The following BCAS3 variants were observed in gnomAD, a reference collection of about 807,000 sequenced individuals.
BCAS3 encodes BCAS3 microtubule associated cell migration factor.
BCAS3 carries 53 observed loss-of-function variants against 116.1 expected under a neutral mutation model. The observed-to-expected ratio is 0.46, with a 90% confidence interval of 0.37 to 0.57. The LOEUF (loss-of-function observed/expected upper bound fraction) is 0.57. Among genes scored for constraint, BCAS3 ranks in the 20% least tolerant of loss-of-function variants. The pLI is 0.00. For missense variants in BCAS3, 917 were observed against 1,165.4 expected (o/e 0.79, Z 3.10); for synonymous variants, 391 against 408.2 (o/e 0.96, Z 0.51).
chr17:61,030,934 T>A (rs2066589576), intron 16 of BCAS3, among the ~76,000 whole-genome samples: 1 of 152,012 alleles, frequency 6.6e-6, no homozygotes, highest in African/African-American at 2.4e-5. Context: ...GAGTATGTCT[T>A]GTTCTCATGT....
intron 19 of BCAS3, among the ~76,000 whole-genome samples, chr17:61,053,731 G>A (rs2069101424): frequency 6.6e-6 from 1 of 152,178 alleles, no homozygotes. Flanking sequence ...TTTTTCTCTT[G>A]TAGAGGAAAC....
At chr17:61,081,632 A>G (rs1474978494) in intron 21 of BCAS3, among the ~76,000 whole-genome samples, 1 of 152,234 alleles carries the variant, frequency 6.6e-6, no homozygotes, top group Non-Finnish European at 1.5e-5. Context: ...TTCAGCAGGT[A>G]AGCTTGGTTG....
Position 61,151,182 on chromosome 17 carries a change from C to G in BCAS3, c.2425+66618C>G, listed in dbSNP as rs1247320285. On this transcript the variant is annotated intron_variant, in intron 22 of 23. Transcript: ENST00000407086. This position sits in a 1 kb window ranked among gnomAD's most constrained non-coding sequence, Gnocchi z 4.8. ...ATCTGGGATGCTCCAAAATTCAAAA[C>G]TTTTTTGAGTGAGTGCCAATATTAC... 6.6e-6 allele frequency among the ~76,000 whole-genome samples: 1 copy of G among 152,156 alleles called. No homozygotes were observed. The highest frequency in any genetic ancestry group is 2.4e-5 in the African/African-American group (1 of 41,424).
intron 14 of BCAS3, among the ~76,000 whole-genome samples, chr17:60,981,194 T>G (rs1247470556): frequency 6.6e-6 from 1 of 152,202 alleles, no homozygotes; most frequent in Non-Finnish European, 1.5e-5. Context: ...TTGTCTACTT[T>G]GACTTGGGTT....
In BCAS3 at chr17:60,683,962, T is replaced by C; in HGVS notation, c.84-20T>C. ...TATTAAGCTCTCCTGACCAGTGTTG[T>C]CCATTTCACCCTTTTCCAGAGAGCA... On this transcript the variant is annotated intron_variant, in intron 2 of 23. Transcript: ENST00000407086. 6.2e-7 allele frequency: 1 copy of C among 1,609,230 alleles called. No individual in the cohort carries two copies. The highest frequency in any genetic ancestry group is 8.5e-7 in the Non-Finnish European group (1 of 1,175,828).
At chr17:60,703,916 CAA>C (rs539490885) in intron 4 of BCAS3, among the ~76,000 whole-genome samples, 3 of 71,466 alleles carry the variant, frequency 4.2e-5, no homozygotes, top group African/African-American at 1.3e-4. Flanking sequence ...GACACCGTCT[CAA>C]AAAAAAAAAA....
intron 6 of BCAS3, among the ~76,000 whole-genome samples, chr17:60,800,032 G>A (rs8065002): frequency 0.28 from 41,805 of 151,860 alleles, 11,429 homozygotes; most frequent in African/African-American, 0.72. Flanking sequence ...TAAACCTGCT[G>A]TTAACATTTG....
At chr17:61,099,465 C>A (rs1031926493) in intron 22 of BCAS3, among the ~76,000 whole-genome samples, 2 of 152,174 alleles carry the variant, frequency 1.3e-5, no homozygotes, top group Non-Finnish European at 2.9e-5. Flanking sequence ...CGTTACCTGA[C>A]TTAAACCTGG....
At chr17:61,191,636 G>A (rs2080124526) in intron 22 of BCAS3, among the ~76,000 whole-genome samples, 1 of 151,912 alleles carries the variant, frequency 6.6e-6, no homozygotes, top group African/African-American at 2.4e-5. Context: ...TTAGACAGGT[G>A]TGGTGACGGG....
intron 7 of BCAS3, among the ~76,000 whole-genome samples, chr17:60,824,869 A>C (rs1189588058): frequency 6.6e-6 from 1 of 152,202 alleles, no homozygotes; most frequent in Non-Finnish European, 1.5e-5. Context: ...CACATTTGTA[A>C]AAATACATGG....
chr17:61,329,993 G>A lies in BCAS3; in HGVS notation c.2426-38334G>A, dbSNP rs189393290. On this transcript the variant is annotated intron_variant, in intron 22 of 23. Coordinates refer to ENST00000407086, the MANE Select transcript of BCAS3 (RefSeq NM_017679.5). The stretch of plus-strand genomic sequence containing the variant: ...TAAAAATGAAGAAGACACCGTCCCT[G>A]CCCTAACAGAACTTATTGTTGAGGG... 1.1e-4 allele frequency among the ~76,000 whole-genome samples: 17 copies of A among 152,258 alleles called. 1 individual carries two copies. In the East Asian group the frequency reaches 1.9e-3, roughly 17 times the overall value.
intron 6 of BCAS3, among the ~76,000 whole-genome samples, chr17:60,803,479 A>G (rs933831580): frequency 1.3e-5 from 2 of 152,202 alleles, no homozygotes; most frequent in African/African-American, 4.8e-5. Context: ...TAAGTCAGTC[A>G]TCAGTCATCT....
At chr17:61,094,565 C>T (rs1473151912) in intron 22 of BCAS3, among the ~76,000 whole-genome samples, 4 of 152,280 alleles carry the variant, frequency 2.6e-5, no homozygotes, top group East Asian at 3.9e-4. Flanking sequence ...AGACATTTCT[C>T]GGCCGGACAC....
chr17:61,117,228 G>C (rs2143783643), intron 22 of BCAS3, among the ~76,000 whole-genome samples: 1 of 152,198 alleles, frequency 6.6e-6, no homozygotes, highest in Admixed American at 6.5e-5. Context: ...TTCTTTCTGT[G>C]CCTCTTCATT....
At chr17:60,936,460 T>C (rs2059932076) in intron 13 of BCAS3, among the ~76,000 whole-genome samples, 1 of 152,132 alleles carries the variant, frequency 6.6e-6, no homozygotes, top group African/African-American at 2.4e-5. Context: ...GTTGAACTAG[T>C]TTACAGTCCC....
In BCAS3 at chr17:61,126,057, A is replaced by G. The variant is rs991191299; in HGVS notation, c.2425+41493A>G. On this transcript the variant is annotated intron_variant, in intron 22 of 23. Coordinates refer to ENST00000407086, the MANE Select transcript of BCAS3 (RefSeq NM_017679.5). The surrounding 1 kb of genome is among the most constrained non-coding windows in gnomAD (Gnocchi z 4.6). The stretch of plus-strand genomic sequence containing the variant: ...GGGAATTCTGAGTAATGTGAAATGT[A>G]TGTGAATTGGAAGCAGTAATAAATT... 1.3e-5 allele frequency among the ~76,000 whole-genome samples: 2 copies of G among 152,174 alleles called. No homozygotes were observed. Among genetic ancestry groups the G allele is most frequent in the East Asian group, 1.9e-4 (1 of 5,198 alleles).
At chr17:61,231,869 C>CAAAA (rs72247548) in intron 22 of BCAS3, among the ~76,000 whole-genome samples, 2 of 100,444 alleles carry the variant, frequency 2.0e-5, no homozygotes, top group African/African-American at 4.4e-5. Flanking sequence ...GACCCTGTCT[C>CAAAA]AAAAAAAAAA....
chr17:61,168,719 C>T (rs1449803901), intron 22 of BCAS3, among the ~76,000 whole-genome samples: 1 of 152,148 alleles, frequency 6.6e-6, no homozygotes, highest in South Asian at 2.1e-4. Flanking sequence ...TCTGAGTCAG[C>T]GATCAAGGTC....
chr17:61,223,355 C>T (rs1187362716), intron 22 of BCAS3, among the ~76,000 whole-genome samples: 1 of 152,078 alleles, frequency 6.6e-6, no homozygotes, highest in Non-Finnish European at 1.5e-5. Context: ...GATGGGGTTT[C>T]ACCATGTTGG....
Sources: allele counts gnomAD v4.1 joint callset (sites outside exome capture counted in the v4.1 genomes callset), GRCh38; gene constraint gnomAD v4.1.1; non-coding constraint Gnocchi (gnomAD v3.1); transcripts MANE v1.5; gene names NCBI Gene and HGNC (gene_info 2026-07-23, HGNC 2026-07-21).